AGBL4: variants seen among roughly 807,000 people sequenced by gnomAD.
AGBL4 encodes the protein cytosolic carboxypeptidase 6.
Under a neutral mutation model 66.4 loss-of-function variants are expected in AGBL4, and 58 were observed. The observed-to-expected ratio is 0.87, with a 90% CI of 0.71 to 1.09. AGBL4 has a LOEUF of 1.09. Ranked by LOEUF, AGBL4 falls within the 50% of genes least tolerant of loss-of-function variation. The pLI, the probability that AGBL4 is intolerant of heterozygous loss-of-function variation, is 0.00. For synonymous variants in AGBL4, 234 were observed against 222.9 expected (o/e 1.05, Z -0.44); for missense variants, 579 against 631.0 (o/e 0.92, Z 0.88).
At chr1:49,948,053 T>TTTAA (rs1557608074) in intron 1 of AGBL4, among the ~76,000 whole-genome samples, 1 of 6,126 alleles carries the variant, frequency 1.6e-4, no homozygotes, top group East Asian at 2.1e-3. Context: ...AATATATAAA[T>TTTAA]ATATATATGT....
chr1:49,825,442 T>C (rs1398653609), intron 2 of AGBL4, among the ~76,000 whole-genome samples: 1 of 152,194 alleles, frequency 6.6e-6, no homozygotes, highest in Non-Finnish European at 1.5e-5. Flanking sequence ...AGACAGTTCA[T>C]TATTCCACAT....
At chr1:49,717,943 G>A (rs1648288319) in intron 2 of AGBL4, among the ~76,000 whole-genome samples, 1 of 152,084 alleles carries the variant, frequency 6.6e-6, no homozygotes, top group Non-Finnish European at 1.5e-5. Flanking sequence ...CTATCATGAA[G>A]CTAACGATCA....
chr1:49,890,241 G>C (rs1421354351), intron 1 of AGBL4, among the ~76,000 whole-genome samples: 1 of 152,096 alleles, frequency 6.6e-6, no homozygotes, highest in African/African-American at 2.4e-5. Context: ...TAGTGAAAAG[G>C]CTGTAATTAA....
intron 1 of AGBL4, among the ~76,000 whole-genome samples, chr1:50,004,831 C>T (rs1004166401): frequency 1.3e-5 from 2 of 152,134 alleles, no homozygotes; most frequent in South Asian, 4.1e-4. Context: ...ACCCAGCACA[C>T]TCCCAGCTGT....
chr1:48,614,776 A>G (rs1645292468), intron 9 of AGBL4, among the ~76,000 whole-genome samples: 1 of 152,240 alleles, frequency 6.6e-6, no homozygotes, highest in African/African-American at 2.4e-5. Flanking sequence ...ATTATAATAC[A>G]AGAGACATAC....
chr1:49,793,502 T>C (rs1644654843), intron 2 of AGBL4, among the ~76,000 whole-genome samples: 1 of 151,870 alleles, frequency 6.6e-6, no homozygotes, highest in Non-Finnish European at 1.5e-5. Flanking sequence ...TGAAGGTAAA[T>C]TTAGATGGAG....
intron 2 of AGBL4, among the ~76,000 whole-genome samples, chr1:49,832,224 C>T (rs1244059004): frequency 1.3e-5 from 2 of 151,232 alleles, no homozygotes; most frequent in Admixed American, 6.6e-5. Flanking sequence ...TCAATTCCCA[C>T]CTATGAGTGA....
intron 1 of AGBL4, among the ~76,000 whole-genome samples, chr1:49,941,212 A>C (rs972118331): frequency 3.9e-5 from 6 of 152,316 alleles, no homozygotes; most frequent in African/African-American, 1.4e-4. Context: ...GTCAAAGAAA[A>C]GTATAGAACC....
rs771624651 is a variant in AGBL4, at chr1:49,818,236, T to C, written c.157+33160A>G. On this transcript the variant is annotated intron_variant, in intron 2 of 13. Coordinates refer to ENST00000371839, the MANE Select transcript of AGBL4 (RefSeq NM_032785.4). ...AATGCAAATATTCCATTAAGGAGCCTCAATAAAATGATGACTAAAAGAAGA... is the reference window on the plus strand; with the variant it reads ...AATGCAAATATTCCATTAAGGAGCCCCAATAAAATGATGACTAAAAGAAGA... Among the ~76,000 whole-genome samples the C allele has an allele frequency of 4.0e-4, 61 of 152,274 alleles. 1 individual carries two copies. The highest frequency in any genetic ancestry group is 3.4e-3 in the Middle Eastern group (1 of 294).
rs550259003 is a variant in AGBL4, at chr1:49,555,231, G to A, written c.282+142082C>T. On this transcript the variant is annotated intron_variant, in intron 3 of 13. Coordinates refer to ENST00000371839, the MANE Select transcript of AGBL4 (RefSeq NM_032785.4). The stretch of plus-strand genomic sequence containing the variant: ...ATTTACAAACCTTGAGCTAGACACA[G>A]AGTGCTGATTGGTGCATTGACAATC... Among the ~76,000 whole-genome samples, 338 of 151,612 alleles carry A rather than the reference G, an allele frequency of 2.2e-3. 4 individuals carry two copies. Among genetic ancestry groups the A allele is most frequent in the African/African-American group, 7.9e-3 (325 of 41,390 alleles).
At chr1:49,465,085 C>T (rs973794152) in intron 3 of AGBL4, among the ~76,000 whole-genome samples, 2 of 151,668 alleles carry the variant, frequency 1.3e-5, no homozygotes, top group African/African-American at 4.8e-5. Flanking sequence ...AGTAGAATGT[C>T]AGGCCCTGGG....
Position 48,534,220 on chromosome 1 carries a change from C to T in AGBL4, c.1465G>A (p.Asp489Asn), listed in dbSNP as rs201412334. 8 of 1,551,536 alleles carry T rather than the reference C, an allele frequency of 5.2e-6. No homozygotes were observed. The highest frequency in any genetic ancestry group is 7.0e-6 in the Non-Finnish European group (8 of 1,146,952). Residue 489 changes from aspartate to asparagine, a missense_variant, in exon 14 of 14, where the codon GAC becomes AAC. Asp to Asn is a conservative substitution (Grantham distance 23, BLOSUM62 1). Coordinates refer to ENST00000371839, the MANE Select transcript of AGBL4 (RefSeq NM_032785.4). ...TTGTGGTTCACTGAGCTCTTCTTGT[C>T]CCCTTTGCTGTTGGGGTAGTTGCTG... ...PASNYPNSKG[D>N]KKSSVNHKDP...
chr1:49,840,208 T>C (rs1247690674), intron 2 of AGBL4, among the ~76,000 whole-genome samples: 1 of 152,178 alleles, frequency 6.6e-6, no homozygotes, highest in Non-Finnish European at 1.5e-5. Flanking sequence ...GGACATAGTG[T>C]GCTTCCAGGA....
At chr1:48,943,150 C>T (rs549141374) in intron 5 of AGBL4, among the ~76,000 whole-genome samples, 8 of 152,282 alleles carry the variant, frequency 5.3e-5, no homozygotes, top group African/African-American at 1.4e-4. Context: ...TGTCTGCAGC[C>T]GCATGCACCA....
At chr1:49,789,335 T>C (rs1644537102) in intron 2 of AGBL4, among the ~76,000 whole-genome samples, 2 of 152,140 alleles carry the variant, frequency 1.3e-5, no homozygotes, top group African/African-American at 2.4e-5. Flanking sequence ...GGTTATGGTA[T>C]AAAAATGATG....
At position 48,929,041 on chromosome 1, in the gene AGBL4, C is replaced by T. The variant is rs77552645; in HGVS notation, c.595-61811G>A. 3.6e-3 allele frequency among the ~76,000 whole-genome samples: 541 copies of T among 152,274 alleles called. 4 individuals carry two copies. Among genetic ancestry groups the T allele is most frequent in the Non-Finnish European group, 5.9e-3 (404 of 68,008 alleles). On this transcript the variant is annotated intron_variant, in intron 5 of 13. Coordinates refer to ENST00000371839, the MANE Select transcript of AGBL4 (RefSeq NM_032785.4). ...CTGCTAGGATTTTAGATTGGTTCTG[C>T]TACCTGCCTACATTCACCAATAACC...
At chr1:49,980,192 G>C (rs544025852) in intron 1 of AGBL4, among the ~76,000 whole-genome samples, 1 of 152,044 alleles carries the variant, frequency 6.6e-6, no homozygotes, top group African/African-American at 2.4e-5. Flanking sequence ...GGCTGTCAGC[G>C]CCTCTAACCC....
intron 9 of AGBL4, among the ~76,000 whole-genome samples, chr1:48,627,405 G>A (rs779932227): frequency 9.2e-5 from 14 of 152,066 alleles, no homozygotes; most frequent in Admixed American, 9.2e-4. Context: ...TATGTTGCGT[G>A]CTTGTGTGTG....
chr1:49,013,100 C>G (rs1030540698), intron 5 of AGBL4, among the ~76,000 whole-genome samples: 2 of 152,146 alleles, frequency 1.3e-5, no homozygotes, highest in African/African-American at 4.8e-5. Flanking sequence ...GCCTCCAAAA[C>G]TGTAAGAAAT....
Sources: gnomAD v4.1 joint callset for allele counts (sites outside exome capture counted in the v4.1 genomes callset) on GRCh38, gnomAD v4.1.1 for gene constraint, MANE v1.5 for transcripts, NCBI Gene and HGNC (gene_info 2026-07-23, HGNC 2026-07-21) for gene names.